CCDC146: variants seen among roughly 807,000 people sequenced by gnomAD.
CCDC146 encodes the protein coiled-coil domain containing 146.
A neutral mutation model predicts 119.3 loss-of-function variants in CCDC146; 92 were observed. That is an observed-to-expected ratio of 0.77 (90% CI 0.65 to 0.92). CCDC146 has a LOEUF of 0.92. CCDC146 is among the 40% of genes least tolerant of loss of function. CCDC146 has a pLI of 0.00. For missense variants in CCDC146, 1,000 were observed against 1,103.0 expected, an observed-to-expected ratio of 0.91 and a Z score of 1.32; for synonymous variants, 372 against 371.8, an observed-to-expected ratio of 1.00 and a Z score of -0.01.
chr7:77,271,566 A>ATATATC (rs1441030994), intron 9 of CCDC146, among the ~76,000 whole-genome samples: 12 of 73,764 alleles, frequency 1.6e-4, no homozygotes, highest in African/African-American at 5.0e-4. Flanking sequence ...ATATATATAT[A>ATATATC]TATGGAGATA....
chr7:77,201,824 A>G (rs1018629135), intron 2 of CCDC146, among the ~76,000 whole-genome samples: 7 of 152,076 alleles, frequency 4.6e-5, no homozygotes, highest in East Asian at 1.9e-4. Context: ...CTTCTCACCT[A>G]TTTTCAAGCT....
At chr7:77,234,617 C>A (rs1792698860) in intron 2 of CCDC146, among the ~76,000 whole-genome samples, 1 of 152,060 alleles carries the variant, frequency 6.6e-6, no homozygotes, top group African/African-American at 2.4e-5. Context: ...CGCCTGTAGT[C>A]CCACCTAATT....
At chr7:77,139,036 T>C (rs1400346205) in intron 1 of CCDC146, among the ~76,000 whole-genome samples, 2 of 152,258 alleles carry the variant, frequency 1.3e-5, no homozygotes, top group Non-Finnish European at 2.9e-5. Flanking sequence ...TGAAAACTTA[T>C]GTCCATATAA....
chr7:77,176,020 G>T (rs1791494169), intron 2 of CCDC146, among the ~76,000 whole-genome samples: 1 of 151,112 alleles, frequency 6.6e-6, no homozygotes, highest in African/African-American at 2.5e-5. Flanking sequence ...GTCTAGAAAG[G>T]CTTTTAAGGC....
At chr7:77,217,550 C>CATATAT (rs755931636) in intron 2 of CCDC146, among the ~76,000 whole-genome samples, 3 of 147,102 alleles carry the variant, frequency 2.0e-5, no homozygotes, top group East Asian at 1.9e-4. Context: ...ACTATATATA[C>CATATAT]ATATATATAT....
At chr7:77,200,768 A>C (rs1171224153) in intron 2 of CCDC146, among the ~76,000 whole-genome samples, 1 of 152,222 alleles carries the variant, frequency 6.6e-6, no homozygotes, top group Non-Finnish European at 1.5e-5. Context: ...ATAGTTTTCT[A>C]ACTTTCTCTT....
In CCDC146 at chr7:77,237,165, G is replaced by T; in HGVS notation, c.239+136G>T. 3 of 680,794 alleles carry T rather than the reference G, an allele frequency of 4.4e-6. No homozygotes were observed. In the South Asian group the frequency reaches 5.0e-5, roughly 11 times the overall value. The allele number at this position is 680,794 out of a possible 1,614,324, so 42.2% of individuals were successfully genotyped here. A position where few individuals can be genotyped will look rare whatever the true frequency, so the allele number is the denominator to read the frequency against. On this transcript the variant is annotated intron_variant, in intron 3 of 18. Transcript: ENST00000285871. Reference sequence around the variant, plus strand: ...TTGCGTTCAGGGAGTTTGAGAAGTGGTACGAGAAAGCATCGTGAGAGAGTG... The same window carrying T: ...TTGCGTTCAGGGAGTTTGAGAAGTGTTACGAGAAAGCATCGTGAGAGAGTG...
rs779222966 is a variant in CCDC146 at position 77,286,970 on chromosome 7, A to T, written c.2277+44A>T. ...AATTGCATCTGTTAGCTCCTCGTTG[A>T]TGTAGTTTCACAGATACCTATGGTA... On this transcript the variant is annotated intron_variant, in intron 16 of 18. Coordinates refer to ENST00000285871, the MANE Select transcript of CCDC146 (RefSeq NM_020879.3). The T allele has an allele frequency of 6.2e-6, 10 of 1,606,790 alleles. No homozygotes were observed. The South Asian group carries it at 1.1e-4, about 18-fold the overall frequency.
At chr7:77,180,399 C>G (rs1378214334) in intron 2 of CCDC146, among the ~76,000 whole-genome samples, 1 of 152,110 alleles carries the variant, frequency 6.6e-6, no homozygotes, top group Non-Finnish European at 1.5e-5. Flanking sequence ...GCAAATATGT[C>G]TTCAAGATCT....
intron 2 of CCDC146, among the ~76,000 whole-genome samples, chr7:77,211,428 T>C (rs1792181399): frequency 6.6e-6 from 1 of 152,172 alleles, no homozygotes; most frequent in South Asian, 2.1e-4. Context: ...GTCCTCTATC[T>C]GTTGTATTTC....
At chr7:77,228,256 A>G (rs983783741) in intron 2 of CCDC146, among the ~76,000 whole-genome samples, 4 of 152,214 alleles carry the variant, frequency 2.6e-5, no homozygotes, top group Admixed American at 6.5e-5. Context: ...TTCATCACCC[A>G]GGTATTAAGC....
intron 1 of CCDC146, among the ~76,000 whole-genome samples, chr7:77,150,934 A>G (rs1791101244): frequency 6.6e-6 from 1 of 152,224 alleles, no homozygotes; most frequent in South Asian, 2.1e-4. Context: ...ACCTTACACT[A>G]GGTGATACAA....
At chr7:77,132,245 T>TA (rs1033490563) in intron 1 of CCDC146, among the ~76,000 whole-genome samples, 1 of 151,594 alleles carries the variant, frequency 6.6e-6, no homozygotes, top group East Asian at 1.9e-4. Context: ...ATTGTCTTGA[T>TA]AAAAAAATTA....
chr7:77,146,233 C>T (rs1370793550), intron 1 of CCDC146, among the ~76,000 whole-genome samples: 2 of 152,010 alleles, frequency 1.3e-5, no homozygotes, highest in Non-Finnish European at 2.9e-5. Flanking sequence ...ACTAGGATTG[C>T]AACCCCTGCC....
intron 1 of CCDC146, among the ~76,000 whole-genome samples, chr7:77,142,249 T>C (rs1790944172): frequency 6.6e-6 from 1 of 152,152 alleles, no homozygotes; most frequent in Admixed American, 6.6e-5. Context: ...AGAAAGGGTA[T>C]TCAAATAGGG....
At chr7:77,182,972 G>A (rs1347557972) in intron 2 of CCDC146, among the ~76,000 whole-genome samples, 3 of 151,846 alleles carry the variant, frequency 2.0e-5, no homozygotes, top group Admixed American at 6.6e-5. Context: ...GAATAAAACC[G>A]AGCCTTCTCC....
intron 14 of CCDC146, among the ~76,000 whole-genome samples, chr7:77,281,944 C>A (rs562772454): frequency 2.0e-5 from 3 of 152,170 alleles, no homozygotes; most frequent in Non-Finnish European, 4.4e-5. Context: ...GGTGCATGAT[C>A]GGTCATGCAG....
At position 77,144,477 on chromosome 7, in the gene CCDC146, G is replaced by A. The variant is rs530011003; in HGVS notation, c.-12+21745G>A. On this transcript the variant is annotated intron_variant, in intron 1 of 18. Coordinates refer to ENST00000285871, the MANE Select transcript of CCDC146 (RefSeq NM_020879.3). Reference sequence around the variant, plus strand: ...TGTTGAAGAGGAGTGGTGAGAGAGGGCATCCCTGTCTTGTACCTGTTTTCA... The same window carrying A: ...TGTTGAAGAGGAGTGGTGAGAGAGGACATCCCTGTCTTGTACCTGTTTTCA... Among the ~76,000 whole-genome samples the A allele has an allele frequency of 2.2e-4, 33 of 151,844 alleles. 1 individual carries two copies. The highest frequency in any genetic ancestry group is 8.0e-4 in the African/African-American group (33 of 41,176).
chr7:77,285,923 G>A (rs1454739022), intron 15 of CCDC146, among the ~76,000 whole-genome samples: 3 of 152,132 alleles, frequency 2.0e-5, no homozygotes, highest in Non-Finnish European at 1.5e-5. Context: ...TCTTTCTTTG[G>A]GAAGCCATTA....
Sources: allele counts gnomAD v4.1 joint callset (sites outside exome capture counted in the v4.1 genomes callset), GRCh38; gene constraint gnomAD v4.1.1; transcripts MANE v1.5; gene names NCBI Gene and HGNC (gene_info 2026-07-23, HGNC 2026-07-21).